Variants in TGFA observed in about 807,000 individuals in gnomAD.
TGFA encodes the protein protransforming growth factor alpha.
TGFA carries 12 observed loss-of-function variants against 21.7 expected under a neutral mutation model. That is an observed-to-expected ratio of 0.55 (90% CI 0.35 to 0.90). The LOEUF (loss-of-function observed/expected upper bound fraction) is 0.90, where lower values mean the gene tolerates loss of function less well. Among genes scored for constraint, TGFA ranks in the 40% least tolerant of loss-of-function variants. The pLI is 0.01. For missense variants in TGFA, 178 were observed against 210.8 expected, an observed-to-expected ratio of 0.84 and a Z score of 0.96; for synonymous variants, 79 against 88.1, an observed-to-expected ratio of 0.90 and a Z score of 0.58.
chr2:70,546,931 T>G (rs1673323145), intron 1 of TGFA, among the ~76,000 whole-genome samples: 1 of 152,182 alleles, frequency 6.6e-6, no homozygotes, highest in Non-Finnish European at 1.5e-5. Flanking sequence ...AATAAAGGAT[T>G]TAAGAAATCT....
intron 2 of TGFA, among the ~76,000 whole-genome samples, chr2:70,472,801 A>G (rs1553493508): frequency 6.6e-6 from 1 of 152,260 alleles, no homozygotes; most frequent in Admixed American, 6.5e-5. Flanking sequence ...ACGTTTGCCC[A>G]TTGCAGAGCT....
intron 1 of TGFA, among the ~76,000 whole-genome samples, chr2:70,518,183 C>T (rs1479299440): frequency 1.3e-5 from 2 of 152,242 alleles, no homozygotes; most frequent in African/African-American, 4.8e-5. Flanking sequence ...GCCGCAGGCC[C>T]TCGGGACAGG....
chr2:70,485,865 A>G (rs1245546460), intron 2 of TGFA, among the ~76,000 whole-genome samples: 1 of 152,196 alleles, frequency 6.6e-6, no homozygotes. Flanking sequence ...TCAGATGAAC[A>G]GTCAAGAAAG....
At chr2:70,521,485 C>T (rs1672457069) in intron 1 of TGFA, among the ~76,000 whole-genome samples, 1 of 152,124 alleles carries the variant, frequency 6.6e-6, no homozygotes, top group Admixed American at 6.5e-5. Context: ...AGATATCCAA[C>T]TCTTGCACAG....
intron 1 of TGFA, among the ~76,000 whole-genome samples, chr2:70,548,915 T>C (rs1553506392): frequency 6.6e-6 from 1 of 152,194 alleles, no homozygotes; most frequent in East Asian, 1.9e-4. Context: ...TATGAAAGAT[T>C]TTTATACTTG....
intron 1 of TGFA, among the ~76,000 whole-genome samples, chr2:70,543,504 C>T (rs1349163374): frequency 8.5e-5 from 12 of 140,812 alleles, no homozygotes; most frequent in African/African-American, 2.7e-4. Flanking sequence ...CTAGCCTGGG[C>T]GACAGAGCGA....
intron 1 of TGFA, among the ~76,000 whole-genome samples, chr2:70,515,905 T>C (rs1194872319): frequency 1.3e-5 from 2 of 152,214 alleles, no homozygotes; most frequent in Non-Finnish European, 2.9e-5. Flanking sequence ...AATTTAAAGA[T>C]AAAACTACAA....
intron 2 of TGFA, among the ~76,000 whole-genome samples, chr2:70,473,514 A>AG (rs1451442313): frequency 2.0e-5 from 3 of 151,884 alleles, no homozygotes; most frequent in Non-Finnish European, 1.5e-5. Flanking sequence ...ACTGATCGAC[A>AG]GGGGCATTTC....
At chr2:70,522,918 C>T (rs550132372) in intron 1 of TGFA, among the ~76,000 whole-genome samples, 2 of 152,194 alleles carry the variant, frequency 1.3e-5, no homozygotes, top group African/African-American at 4.8e-5. Flanking sequence ...AAGTCCCTTC[C>T]TATGAGAAAG....
At chr2:70,511,890 TACACACACACACACACACACACACACAC>T (rs36084203) in intron 2 of TGFA, among the ~76,000 whole-genome samples, 1 of 142,948 alleles carries the variant, frequency 7.0e-6, no homozygotes, top group African/African-American at 2.6e-5. Context: ...TAGTCATGAA[TACACACACACACACACACACACACACAC>T]ACACACACAC....
At chr2:70,465,803 C>A (rs1262666088) in intron 2 of TGFA, 67 bp from the exon 3 acceptor site, 4 of 1,592,440 alleles carry the variant, frequency 2.5e-6, no homozygotes, top group Non-Finnish European at 3.4e-6. Context: ...ACACCTCCCA[C>A]CCTACCAGTC....
chr2:70,450,045 C>T lies in TGFA; in HGVS notation c.*814G>A, dbSNP rs1031599256. On this transcript the variant is annotated 3_prime_UTR_variant, in exon 6 of 6. Coordinates refer to ENST00000295400, the MANE Select transcript of TGFA (RefSeq NM_003236.4). ...TTCTGAACCCCTACCTTTATTCCTA[C>T]CAGTAACCCAGCCTCTGGTTCCATC... 14 of 152,260 alleles carry T rather than the reference C, an allele frequency of 9.2e-5. No individual in the cohort carries two copies. Among genetic ancestry groups the T allele is most frequent in the African/African-American group, 3.4e-4 (14 of 41,444 alleles). The allele number at this position is 152,260 out of a possible 1,614,324, so 9.4% of individuals were successfully genotyped here.
intron 3 of TGFA, among the ~76,000 whole-genome samples, chr2:70,457,285 C>G (rs1434197453): frequency 6.6e-6 from 1 of 152,118 alleles, no homozygotes; most frequent in African/African-American, 2.4e-5. Flanking sequence ...ATCTTTCAAT[C>G]ACGGCCCCCT....
At chr2:70,465,886 C>T in intron 2 of TGFA, 150 bp from the exon 3 acceptor site, 1 of 1,201,728 alleles carries the variant, frequency 8.3e-7, no homozygotes, top group East Asian at 2.6e-5. Context: ...CTCTCACTTA[C>T]TTTCTAAAGC....
intron 2 of TGFA, among the ~76,000 whole-genome samples, chr2:70,479,178 A>G (rs1168789034): frequency 1.3e-5 from 2 of 152,190 alleles, no homozygotes; most frequent in African/African-American, 4.8e-5. Context: ...GGGGGTTTTT[A>G]TCTTGATATA....
chr2:70,520,735 C>T (rs565196202), intron 1 of TGFA, among the ~76,000 whole-genome samples: 2 of 152,134 alleles, frequency 1.3e-5, no homozygotes, highest in African/African-American at 4.8e-5. Flanking sequence ...CACTACAGCC[C>T]ACCAAGGCAC....
intron 1 of TGFA, among the ~76,000 whole-genome samples, chr2:70,547,740 TTATA>T (rs1412147328): frequency 7.0e-6 from 1 of 142,140 alleles, no homozygotes; most frequent in African/African-American, 2.5e-5. Context: ...TACTACTATA[TTATA>T]TATATAGATA....
chr2:70,529,599 C>CCCA (rs1427020987), intron 1 of TGFA, among the ~76,000 whole-genome samples: 23 of 151,450 alleles, frequency 1.5e-4, no homozygotes, highest in Non-Finnish European at 3.0e-4. Context: ...CCCCCCGCCC[C>CCCA]AGTCCTAGAA....
intron 1 of TGFA, among the ~76,000 whole-genome samples, chr2:70,544,841 C>A (rs1485040002): frequency 6.6e-6 from 1 of 152,002 alleles, no homozygotes; most frequent in African/African-American, 2.4e-5. Flanking sequence ...CTCATGGAGA[C>A]AGAGTCGAAT....
Sources: gnomAD v4.1 joint callset for allele counts (sites outside exome capture counted in the v4.1 genomes callset) on GRCh38, gnomAD v4.1.1 for gene constraint, MANE v1.5 for transcripts, NCBI Gene and HGNC (gene_info 2026-07-23, HGNC 2026-07-21) for gene names.